Variants in STARD13 observed in about 807,000 individuals in gnomAD.
The protein encoded by STARD13 is StAR related lipid transfer domain containing 13.
STARD13 carries 62 observed loss-of-function variants against 106.4 expected under a neutral mutation model. That is an observed-to-expected ratio of 0.58 (90% CI 0.48 to 0.72). The LOEUF (loss-of-function observed/expected upper bound fraction) is 0.72. Ranked by LOEUF, STARD13 falls within the 30% of genes least tolerant of loss-of-function variation. The pLI, the probability that STARD13 is intolerant of heterozygous loss-of-function variation, is 0.00. For missense variants in STARD13, 1,387 were observed against 1,424.0 expected (o/e 0.97, Z 0.42); for synonymous variants, 565 against 553.0 (o/e 1.02, Z -0.31).
chr13:33,264,874 T>G (rs1192741224), intron 1 of STARD13, among the ~76,000 whole-genome samples: 1 of 152,182 alleles, frequency 6.6e-6, no homozygotes, highest in Non-Finnish European at 1.5e-5. Context: ...TCTGCCCATC[T>G]TGACCCCTAG....
At chr13:33,619,688 A>G in the STARD13 span, among the ~76,000 whole-genome samples, 1 of 152,198 alleles carries the variant, frequency 6.6e-6, no homozygotes, top group South Asian at 2.1e-4. Context: ...TAAAAAATAA[A>G]CAAAATAGAT....
the STARD13 span, among the ~76,000 whole-genome samples, chr13:33,540,379 A>T: frequency 2.6e-3 from 399 of 152,324 alleles, 2 homozygotes; most frequent in Non-Finnish European, 3.7e-3. Context: ...TGGAGACATT[A>T]TTAAGGAAAA....
At chr13:33,226,312 T>C (rs899577948) in intron 1 of STARD13, among the ~76,000 whole-genome samples, 11 of 152,214 alleles carry the variant, frequency 7.2e-5, no homozygotes, top group African/African-American at 2.7e-4. Flanking sequence ...GTTGTTCTTT[T>C]GCCCCAACTA....
chr13:33,625,545 G>T, the STARD13 span, among the ~76,000 whole-genome samples: 1 of 151,632 alleles, frequency 6.6e-6, no homozygotes. Flanking sequence ...ACTCCAGCCT[G>T]GCGACAGAGC....
the STARD13 span, among the ~76,000 whole-genome samples, chr13:33,592,629 CTTTTA>C: frequency 1.9e-3 from 284 of 152,236 alleles, 3 homozygotes; most frequent in African/African-American, 6.3e-3. Context: ...TAAAAAAAGT[CTTTTA>C]TTTTATAAGG....
At chr13:33,132,464 C>G (rs1453062240) in intron 4 of STARD13, among the ~76,000 whole-genome samples, 1 of 152,182 alleles carries the variant, frequency 6.6e-6, no homozygotes, top group Non-Finnish European at 1.5e-5. Flanking sequence ...TTGCCTTCCA[C>G]CATGATTGTG....
At chr13:33,576,231 CT>C in the STARD13 span, among the ~76,000 whole-genome samples, 1 of 150,904 alleles carries the variant, frequency 6.6e-6, no homozygotes. Flanking sequence ...TGGTTCTGCT[CT>C]TTTTTTTTGA....
upstream of STARD13, among the ~76,000 whole-genome samples, chr13:33,288,090 G>C (rs1280706997): frequency 6.6e-6 from 1 of 151,726 alleles, no homozygotes; most frequent in Non-Finnish European, 1.5e-5. Context: ...TCAAGGCGAG[G>C]TTACTAGATA....
At chr13:33,609,085 C>CAAAAAAAA in the STARD13 span, among the ~76,000 whole-genome samples, 4 of 50,566 alleles carry the variant, frequency 7.9e-5, no homozygotes, top group African/African-American at 2.9e-4. Context: ...GACTCCGTCT[C>CAAAAAAAA]AAAAAAAAAA....
At chr13:33,350,394 G>A in exon 1 of STARD13, 1 of 1,533,606 alleles carries the variant, frequency 6.5e-7, no homozygotes, top group Non-Finnish European at 8.7e-7. Context: ...CGTTTGGCAA[G>A]GTTTCCGTTT....
chr13:33,591,226 T>C, the STARD13 span, among the ~76,000 whole-genome samples: 1 of 152,248 alleles, frequency 6.6e-6, no homozygotes, highest in Non-Finnish European at 1.5e-5. Flanking sequence ...TTACTCTGTC[T>C]TCCAGATAGG....
At chr13:33,449,942 A>C in the STARD13 span, among the ~76,000 whole-genome samples, 29 of 152,270 alleles carry the variant, frequency 1.9e-4, no homozygotes, top group African/African-American at 7.0e-4. Context: ...TGTATCTTGC[A>C]ACTTTGCTTA....
the STARD13 span, among the ~76,000 whole-genome samples, chr13:33,441,663 G>A: frequency 6.6e-6 from 1 of 152,212 alleles, no homozygotes; most frequent in Non-Finnish European, 1.5e-5. Flanking sequence ...CTTTTTCAAA[G>A]TATCAGGTAC....
At chr13:33,159,665 T>C (rs908211321) in intron 3 of STARD13, among the ~76,000 whole-genome samples, 2 of 152,220 alleles carry the variant, frequency 1.3e-5, no homozygotes, top group Non-Finnish European at 2.9e-5. Context: ...TTTAGAAAGA[T>C]TGCAGGATAC....
chr13:33,597,851 T>C, the STARD13 span, among the ~76,000 whole-genome samples: 1 of 149,388 alleles, frequency 6.7e-6, no homozygotes, highest in Admixed American at 6.7e-5. Flanking sequence ...TGAAACTCCG[T>C]CTCAAAAAAA....
the STARD13 span, among the ~76,000 whole-genome samples, chr13:33,397,410 T>C: frequency 6.6e-6 from 1 of 152,186 alleles, no homozygotes; most frequent in Non-Finnish European, 1.5e-5. Flanking sequence ...CTGTAGGAAT[T>C]GGGGCTCAGG....
At chr13:33,544,271 C>G in the STARD13 span, among the ~76,000 whole-genome samples, 14 of 152,084 alleles carry the variant, frequency 9.2e-5, no homozygotes, top group African/African-American at 3.1e-4. Flanking sequence ...CCATCCCTAC[C>G]GTGCCATTTA....
chr13:33,119,775 TC>T (rs1446251525), intron 7 of STARD13, among the ~76,000 whole-genome samples: 3 of 152,240 alleles, frequency 2.0e-5, no homozygotes, highest in African/African-American at 4.8e-5. Flanking sequence ...TGAGTTACTT[TC>T]TTTTTTATTC....
chr13:33,517,542 G>GT, the STARD13 span, among the ~76,000 whole-genome samples: 1 of 152,146 alleles, frequency 6.6e-6, no homozygotes, highest in Admixed American at 6.6e-5. Context: ...ATTACATCCA[G>GT]TAAGACAGTT....
Sources: allele counts gnomAD v4.1 joint callset (sites outside exome capture counted in the v4.1 genomes callset), GRCh38; gene constraint gnomAD v4.1.1; transcripts MANE v1.5; gene names NCBI Gene and HGNC (gene_info 2026-07-23, HGNC 2026-07-21).